The following PHACTR2 variants were observed in gnomAD, a reference collection of about 807,000 sequenced individuals.
PHACTR2 encodes chromosome 6 open reading frame 56.
In PHACTR2, 30 loss-of-function variants were observed where a neutral mutation model predicts 76.0. The observed-to-expected ratio is 0.39, with a 90% CI of 0.30 to 0.54. PHACTR2 has a LOEUF of 0.54. PHACTR2 is among the 20% of genes least tolerant of loss of function. PHACTR2 has a pLI of 0.61. For missense variants in PHACTR2, 696 were observed against 781.1 expected (o/e 0.89, Z 1.30); for synonymous variants, 292 against 292.5 (o/e 1.00, Z 0.02).
At position 143,639,597 on chromosome 6, in the gene PHACTR2, T is replaced by C. The variant is rs1201727517; in HGVS notation, c.13+31275T>C. ...GTTTGGGAGTGAGAAAGCCTGATTA[T>C]AGCGGGAGGGATTACTAACTCTCCC... On this transcript the variant is annotated intron_variant, in intron 1 of 11. Transcript: ENST00000305766. The surrounding 1 kb of genome is among the most constrained non-coding windows in gnomAD (Gnocchi z 5.0). Among the ~76,000 whole-genome samples the C allele has an allele frequency of 5.3e-5, 8 of 152,132 alleles. No homozygotes were observed. The East Asian group carries it at 1.2e-3, about 22-fold the overall frequency.
In PHACTR2 at chr6:143,580,152, T is replaced by G. The variant is rs1447367256; in HGVS notation, c.217+42945T>G. ...CAAGATGGGAGTCATGATCTTTCTA[T>G]AGCTTCGTCTCAAAAGTGATATCCC... On this transcript the variant is annotated intron_variant, in intron 1 of 11. Transcript: ENST00000367584. This position sits in a 1 kb window ranked among gnomAD's most constrained non-coding sequence, Gnocchi z 4.2. 6.6e-6 allele frequency among the ~76,000 whole-genome samples: 1 copy of G among 152,186 alleles called. No homozygotes were observed. Among genetic ancestry groups the G allele is most frequent in the African/African-American group, 2.4e-5 (1 of 41,442 alleles).
rs1011946453 is a variant in PHACTR2 at position 143,706,306 on chromosome 6, G to A, written c.47-5710G>A. Among the ~76,000 whole-genome samples the A allele has an allele frequency of 6.6e-5, 10 of 152,330 alleles. 1 individual carries two copies. The highest frequency in any genetic ancestry group is 4.1e-4 in the South Asian group (2 of 4,828). On this transcript the variant is annotated intron_variant, in intron 1 of 12. Coordinates refer to ENST00000440869, the MANE Select transcript of PHACTR2 (RefSeq NM_001100164.2). Reference sequence around the variant, plus strand: ...AGAAACCAAGATCTGTGCGTTGGGCGTGCTCATTGCTACTGGGGTGTTACT... The same window carrying A: ...AGAAACCAAGATCTGTGCGTTGGGCATGCTCATTGCTACTGGGGTGTTACT...
Position 143,809,922 on chromosome 6 carries a change from G to A in PHACTR2, c.1922+2789G>A, listed in dbSNP as rs1776142006. On this transcript the variant is annotated intron_variant, in intron 12 of 12. Coordinates refer to ENST00000440869, the MANE Select transcript of PHACTR2 (RefSeq NM_001100164.2). The surrounding 1 kb of genome is among the most constrained non-coding windows in gnomAD (Gnocchi z 4.2). Reference sequence around the variant, plus strand: ...AGCTCAGGAGTTCGAGACCAGCCTGGACAACATAGCAAACCCTGTCTCTAC... The same window carrying A: ...AGCTCAGGAGTTCGAGACCAGCCTGAACAACATAGCAAACCCTGTCTCTAC... Among the ~76,000 whole-genome samples the A allele has an allele frequency of 1.3e-5, 2 of 151,970 alleles. No individual in the cohort carries two copies. Among genetic ancestry groups the A allele is most frequent in the Non-Finnish European group, 2.9e-5 (2 of 67,988 alleles).
At position 143,541,406 on chromosome 6, in the gene PHACTR2, G is replaced by A. The variant is rs1423822757; in HGVS notation, c.217+4199G>A. 6.6e-6 allele frequency among the ~76,000 whole-genome samples: 1 copy of A among 152,184 alleles called. No homozygotes were observed. The highest frequency in any genetic ancestry group is 1.5e-5 in the Non-Finnish European group (1 of 68,040). On this transcript the variant is annotated intron_variant, in intron 1 of 11. Transcript: ENST00000367584. This position sits in a 1 kb window ranked among gnomAD's most constrained non-coding sequence, Gnocchi z 5.3. Reference sequence around the variant, plus strand: ...CTGTTCTGGACCTGTGTGGGCTATAGGGAGGACCAAAAGATGTTTTTATTT... The same window carrying A: ...CTGTTCTGGACCTGTGTGGGCTATAAGGAGGACCAAAAGATGTTTTTATTT...
chr6:143,675,537 C>T (rs988453111), upstream of PHACTR2, among the ~76,000 whole-genome samples: 4 of 152,154 alleles, frequency 2.6e-5, no homozygotes, highest in African/African-American at 7.2e-5. The surrounding 1 kb of genome is among the most constrained non-coding windows in gnomAD (Gnocchi z 4.9). Context: ...GAGGCCCCCT[C>T]CTGCCTCCTC....
rs1188103505 is a variant in PHACTR2 at position 143,537,396 on chromosome 6, C to T, written c.217+189C>T. ...CGCCTCCTCGGCCGCCCGGGCTCGGCGACCCTAGGCGGAAGATGCTAAAAG... is the reference window on the plus strand; with the variant it reads ...CGCCTCCTCGGCCGCCCGGGCTCGGTGACCCTAGGCGGAAGATGCTAAAAG... On this transcript the variant is annotated intron_variant, in intron 1 of 11. Coordinates refer to the PHACTR2 transcript ENST00000367584. This position sits in a 1 kb window ranked among gnomAD's most constrained non-coding sequence, Gnocchi z 4.4. 1.3e-5 allele frequency among the ~76,000 whole-genome samples: 2 copies of T among 152,084 alleles called. No individual in the cohort carries two copies. The highest frequency in any genetic ancestry group is 4.8e-5 in the African/African-American group (2 of 41,442).
chr6:143,666,657 T>C (rs534301348), intron 1 of PHACTR2, among the ~76,000 whole-genome samples: 253 of 152,382 alleles, frequency 1.7e-3, no homozygotes, highest in Non-Finnish European at 2.4e-3. Context: ...CATATGTTTG[T>C]TGGCCGCATA....
chr6:143,624,611 G>A lies in PHACTR2; in HGVS notation c.13+16289G>A, dbSNP rs1029324891. Among the ~76,000 whole-genome samples, 4 of 152,034 alleles carry A rather than the reference G, an allele frequency of 2.6e-5. No homozygotes were observed. The highest frequency in any genetic ancestry group is 4.8e-5 in the African/African-American group (2 of 41,402). ...GAAGCAGTTTATTTTCATGGTATGC[G>A]GCTTTTTTCACATGGCTAAATTCCA... On this transcript the variant is annotated intron_variant, in intron 1 of 11. Transcript: ENST00000305766. The surrounding 1 kb of genome is among the most constrained non-coding windows in gnomAD (Gnocchi z 4.6).
At chr6:143,720,796 G>A (rs1778423542) in intron 2 of PHACTR2, among the ~76,000 whole-genome samples, 2 of 151,968 alleles carry the variant, frequency 1.3e-5, no homozygotes, top group Admixed American at 1.3e-4. Context: ...TGTTATTTGT[G>A]GAGACGAGAT....
intron 1 of PHACTR2, among the ~76,000 whole-genome samples, chr6:143,686,943 G>A (rs975045271): frequency 8.5e-5 from 13 of 152,266 alleles, no homozygotes; most frequent in African/African-American, 3.1e-4. Flanking sequence ...CTCCAGCTGC[G>A]TGGATTCTGA....
At position 143,592,056 on chromosome 6, in the gene PHACTR2, G is replaced by A. The variant is rs1267196002; in HGVS notation, c.217+54849G>A. On this transcript the variant is annotated intron_variant, in intron 1 of 11. Coordinates refer to the PHACTR2 transcript ENST00000367584. This position sits in a 1 kb window ranked among gnomAD's most constrained non-coding sequence, Gnocchi z 4.0. ...GTGCATGCAGACTCTGACACAATGG[G>A]ACAGACCTGGTGGTGCTCTGAGGAG... 6.6e-6 allele frequency among the ~76,000 whole-genome samples: 1 copy of A among 152,200 alleles called. No homozygotes were observed.
rs1222138481 is a variant in PHACTR2, at chr6:143,700,179, A to G, written c.47-11837A>G. ...GGTCTAGATTTAATGTGTTATTTTA[A>G]TAATATTTGTGTTACATTCATCCTC... On this transcript the variant is annotated intron_variant, in intron 1 of 12. Transcript: ENST00000440869. This position sits in a 1 kb window ranked among gnomAD's most constrained non-coding sequence, Gnocchi z 4.1. Among the ~76,000 whole-genome samples, 3 of 152,280 alleles carry G rather than the reference A, an allele frequency of 2.0e-5. No individual in the cohort carries two copies. The highest frequency in any genetic ancestry group is 1.9e-4 in the East Asian group (1 of 5,186).
intron 6 of PHACTR2, among the ~76,000 whole-genome samples, chr6:143,771,158 G>GTATATA (rs1341330418): frequency 4.1e-4 from 6 of 14,592 alleles, no homozygotes; most frequent in African/African-American, 9.1e-4. Flanking sequence ...ATATATATAT[G>GTATATA]TATATATATA....
Position 143,755,733 on chromosome 6 carries a change from C to T in PHACTR2, c.454+1821C>T, listed in dbSNP as rs1274998525. On this transcript the variant is annotated intron_variant, in intron 4 of 12. Transcript: ENST00000440869. The surrounding 1 kb of genome is among the most constrained non-coding windows in gnomAD (Gnocchi z 5.2). ...GGCTGTCTCCTGTGTGGAAAGTGCACACACCAAAGCCACAAGGAGAAGCGC... is the reference window on the plus strand; with the variant it reads ...GGCTGTCTCCTGTGTGGAAAGTGCATACACCAAAGCCACAAGGAGAAGCGC... Among the ~76,000 whole-genome samples the T allele has an allele frequency of 6.6e-6, 1 of 152,100 alleles. No homozygotes were observed. Among genetic ancestry groups the T allele is most frequent in the Non-Finnish European group, 1.5e-5 (1 of 68,020 alleles).
At chr6:143,729,410 A>T (rs1049988903) in intron 2 of PHACTR2, among the ~76,000 whole-genome samples, 1 of 151,996 alleles carries the variant, frequency 6.6e-6, no homozygotes, top group African/African-American at 2.4e-5. Flanking sequence ...GTCATGCCTA[A>T]TCTCAGGTCA....
At chr6:143,632,708 A>G (rs1776383945) in intron 1 of PHACTR2, among the ~76,000 whole-genome samples, 1 of 152,226 alleles carries the variant, frequency 6.6e-6, no homozygotes. Flanking sequence ...ATACAGCAGT[A>G]GTTATATACA....
At chr6:143,711,349 T>C (rs2086512425) in intron 1 of PHACTR2, among the ~76,000 whole-genome samples, 1 of 152,218 alleles carries the variant, frequency 6.6e-6, no homozygotes, top group Non-Finnish European at 1.5e-5. Context: ...TAGAACACAG[T>C]GCAAGCAAGG....
In PHACTR2 at chr6:143,783,244, A is replaced by G; in HGVS notation, c.1671A>G (p.Glu557=). ...LKQKNEEEEQ[E]AKMELKRRLS... is the part of the protein sequence containing the mutation. ...AAAAGAATGAAGAAGAGGAACAAGA[A>G]GCAAAAATGGAACTTAAACGCAGAC... Residue 557 remains glutamate, a synonymous_variant, in exon 10 of 13, where the codon GAA becomes GAG. Coordinates refer to ENST00000440869, the MANE Select transcript of PHACTR2 (RefSeq NM_001100164.2). The surrounding 1 kb of genome is among the most constrained non-coding windows in gnomAD (Gnocchi z 5.2). 1 of 1,609,648 alleles carries G rather than the reference A, an allele frequency of 6.2e-7. No individual in the cohort carries two copies. Among genetic ancestry groups the G allele is most frequent in the South Asian group, 1.1e-5 (1 of 90,852 alleles).
In PHACTR2 at chr6:143,646,274, G is replaced by A. The variant is rs978034854; in HGVS notation, c.13+37952G>A. Among the ~76,000 whole-genome samples the A allele has an allele frequency of 3.3e-5, 5 of 151,660 alleles. No individual in the cohort carries two copies. The highest frequency in any genetic ancestry group is 2.4e-5 in the African/African-American group (1 of 41,276). On this transcript the variant is annotated intron_variant, in intron 1 of 11. Coordinates refer to the PHACTR2 transcript ENST00000305766. The surrounding 1 kb of genome is among the most constrained non-coding windows in gnomAD (Gnocchi z 4.1). ...GTGTCTATGTCTATGTCAGTAATTG[G>A]GATTATTTTTAAACTGAAAAACTCT...
Sources: allele counts gnomAD v4.1 joint callset (sites outside exome capture counted in the v4.1 genomes callset), GRCh38; gene constraint gnomAD v4.1.1; non-coding constraint Gnocchi (gnomAD v3.1); transcripts MANE v1.5; gene names NCBI Gene and HGNC (gene_info 2026-07-23, HGNC 2026-07-21).